The following EYS variants were observed in gnomAD, a reference collection of about 807,000 sequenced individuals.
EYS encodes EGF-like photoreceptor maintenance factor.
In EYS, 250 loss-of-function variants were observed where a neutral mutation model predicts 282.1. The observed-to-expected ratio is 0.89, with a 90% CI of 0.80 to 0.98. The LOEUF is 0.98. Ranked by LOEUF, EYS falls within the 50% of genes least tolerant of loss-of-function variation. EYS has a pLI of 0.00. For synonymous variants in EYS, 1,355 were observed against 1,282.9 expected (o/e 1.06, Z -1.20); for missense variants, 4,016 against 3,709.0 (o/e 1.08, Z -2.15).
chr6:63,966,559 T>C (rs1766320038), intron 35 of EYS, among the ~76,000 whole-genome samples: 1 of 152,158 alleles, frequency 6.6e-6, no homozygotes, highest in East Asian at 1.9e-4. Context: ...TAAGAGCCGT[T>C]TCAGTAGAAC....
chr6:64,686,825 A>G (rs375101664), intron 22 of EYS, among the ~76,000 whole-genome samples: 4,351 of 17,038 alleles, frequency 0.26, 1,126 homozygotes, highest in African/African-American at 0.39. Context: ...ATATATGTGT[A>G]TATATATATA....
At chr6:64,691,942 A>T (rs1239191760) in intron 22 of EYS, among the ~76,000 whole-genome samples, 1 of 152,130 alleles carries the variant, frequency 6.6e-6, no homozygotes, top group African/African-American at 2.4e-5. Flanking sequence ...GTTCTTGTGA[A>T]TAGCACAGTG....
chr6:65,506,403 A>C (rs1766654630), intron 2 of EYS, among the ~76,000 whole-genome samples: 1 of 137,162 alleles, frequency 7.3e-6, no homozygotes. Flanking sequence ...CACCAATTAC[A>C]CTTCTTTTAA....
At position 65,353,479 on chromosome 6, in the gene EYS, C is replaced by A; in HGVS notation, c.1438G>T (p.Val480Leu). Reference protein sequence around the residue: ...QDKGPAQFEYVWQLGFAGSEG... With the variant: ...QDKGPAQFEYLWQLGFAGSEG... ...TTACCTGCAAATCCCAATTGCCACA[C>A]ATATTCAAATTGAGCAGGACCTTTA... is the stretch of plus-strand genomic sequence containing the variant. The change falls in exon 9 of 43, where the codon GTG becomes TTG. Residue 480 changes from valine (V) to leucine (L), a missense_variant. Val to Leu is a conservative substitution (Grantham distance 32, BLOSUM62 1). Transcript: ENST00000503581. 1 of 1,613,058 alleles carries A rather than the reference C, an allele frequency of 6.2e-7. No homozygotes were observed. The highest frequency in any genetic ancestry group is 8.5e-7 in the Non-Finnish European group (1 of 1,179,422).
At chr6:63,881,165 A>C (rs1431535453) in intron 35 of EYS, among the ~76,000 whole-genome samples, 1 of 152,100 alleles carries the variant, frequency 6.6e-6, no homozygotes, top group Admixed American at 6.5e-5. Context: ...ATAAGATTTC[A>C]CTATTTGGGG....
intron 30 of EYS, among the ~76,000 whole-genome samples, chr6:64,238,242 T>C (rs1215516322): frequency 6.6e-6 from 1 of 152,168 alleles, no homozygotes; most frequent in East Asian, 1.9e-4. Context: ...TCATGTTCCC[T>C]GCATCCTTGG....
rs1004559050 is a variant in EYS at position 63,864,299 on chromosome 6, A to T, written c.7115T>A (p.Phe2372Tyr). ...ACATGGGTTGTTTTCACAACTTGCA[A>T]ACTGGCACAGCTTGCCTGAATACAG... ...PRLYSGKLCQ[F>Y]ASCENNPCGN... is the part of the protein sequence containing the mutation. The change falls in exon 36 of 43, where the codon TTT becomes TAT. Residue 2372 changes from phenylalanine (F) to tyrosine (Y), a missense_variant. Phe to Tyr is a conservative substitution (Grantham distance 22). Coordinates refer to ENST00000503581, the MANE Select transcript of EYS (RefSeq NM_001142800.2). 4.5e-6 allele frequency: 7 copies of T among 1,551,702 alleles called. No individual in the cohort carries two copies. Among genetic ancestry groups the T allele is most frequent in the Admixed American group, 2.0e-5 (1 of 51,002 alleles).
At chr6:64,097,807 T>C (rs745529184) in intron 31 of EYS, among the ~76,000 whole-genome samples, 5 of 152,106 alleles carry the variant, frequency 3.3e-5, no homozygotes, top group Non-Finnish European at 5.9e-5. Context: ...GAGGAGAATA[T>C]GGAAGAAAAT....
At chr6:64,340,284 T>A (rs978049637) in intron 29 of EYS, among the ~76,000 whole-genome samples, 12 of 150,802 alleles carry the variant, frequency 8.0e-5, no homozygotes, top group Non-Finnish European at 1.6e-4. Flanking sequence ...AGCAAAAAAA[T>A]GAAGCCAGAG....
At chr6:64,180,648 G>A (rs1180224376) in intron 31 of EYS, among the ~76,000 whole-genome samples, 1 of 152,008 alleles carries the variant, frequency 6.6e-6, no homozygotes, top group Non-Finnish European at 1.5e-5. Flanking sequence ...CCAGTGTTTA[G>A]CTCTGGCTTA....
chr6:63,950,194 C>CAAAAA (rs563256139), intron 35 of EYS, among the ~76,000 whole-genome samples: 2 of 130,568 alleles, frequency 1.5e-5, no homozygotes, highest in Non-Finnish European at 3.4e-5. Context: ...CAAAACAAAA[C>CAAAAA]AAAAAAAAAA....
chr6:64,369,688 T>C (rs568344591), intron 29 of EYS, among the ~76,000 whole-genome samples: 125 of 152,190 alleles, frequency 8.2e-4, no homozygotes, highest in African/African-American at 2.9e-3. Flanking sequence ...ACGATATCCC[T>C]GTTTGCAGAC....
At chr6:64,260,933 C>A (rs892352519) in intron 30 of EYS, among the ~76,000 whole-genome samples, 1 of 151,586 alleles carries the variant, frequency 6.6e-6, no homozygotes, top group African/African-American at 2.4e-5. Context: ...TTATGGGGTA[C>A]ATGTGATGTT....
In EYS at chr6:63,752,627, G is replaced by C. The variant is rs561010730; in HGVS notation, c.8071+9834C>G. Reference sequence around the variant, plus strand: ...CCTGCCTCAGCCTCCCCAGCAGCTGGGACTACAGGCACCCACCACCATGCC... The same window carrying C: ...CCTGCCTCAGCCTCCCCAGCAGCTGCGACTACAGGCACCCACCACCATGCC... On this transcript the variant is annotated intron_variant, in intron 41 of 42. Transcript: ENST00000503581. 1.5e-4 allele frequency among the ~76,000 whole-genome samples: 23 copies of C among 151,660 alleles called. No individual in the cohort carries two copies. The South Asian group carries it at 4.8e-3, about 32-fold the overall frequency.
chr6:64,346,977 A>G (rs1002004547), intron 29 of EYS, among the ~76,000 whole-genome samples: 3 of 151,470 alleles, frequency 2.0e-5, no homozygotes, highest in African/African-American at 7.3e-5. Flanking sequence ...GCTTAAAATA[A>G]TGACAATGCA....
At chr6:64,652,234 G>A (rs555959913) in intron 22 of EYS, among the ~76,000 whole-genome samples, 5 of 152,226 alleles carry the variant, frequency 3.3e-5, no homozygotes, top group Admixed American at 2.0e-4. Flanking sequence ...GTCACTTTGT[G>A]ATCAAGTTTT....
At chr6:63,973,786 G>T (rs9294356) in intron 35 of EYS, among the ~76,000 whole-genome samples, 55,081 of 151,820 alleles carry the variant, frequency 0.36, 10,095 homozygotes, top group African/African-American at 0.41. Context: ...CAGATTTATT[G>T]TCCAGTGTTT....
chr6:64,129,532 C>T (rs909596721), intron 31 of EYS, among the ~76,000 whole-genome samples: 4 of 151,884 alleles, frequency 2.6e-5, no homozygotes, highest in Non-Finnish European at 5.9e-5. Context: ...GGATATTAGC[C>T]CTTTGTCAGA....
At chr6:65,521,312 C>T (rs1414354010) in intron 2 of EYS, among the ~76,000 whole-genome samples, 3 of 152,078 alleles carry the variant, frequency 2.0e-5, no homozygotes, top group African/African-American at 7.2e-5. Context: ...TGTTTGCTTT[C>T]TACCTTTCTT....
Sources: gnomAD v4.1 joint callset for allele counts (sites outside exome capture counted in the v4.1 genomes callset) on GRCh38, gnomAD v4.1.1 for gene constraint, MANE v1.5 for transcripts, NCBI Gene and HGNC (gene_info 2026-07-23, HGNC 2026-07-21) for gene names.